The following ARSF variants were observed in gnomAD, a reference collection of about 807,000 sequenced individuals.
ARSF encodes arylsulfatase F.
ARSF carries 33 observed loss-of-function variants against 35.4 expected under a neutral mutation model. That is an observed-to-expected ratio of 0.93 (90% confidence interval 0.71 to 1.25). The LOEUF is 1.25. ARSF is among the 50% of genes most tolerant of loss of function. The pLI, the probability that ARSF is intolerant of heterozygous loss-of-function variation, is 0.00. For synonymous variants in ARSF, 222 were observed against 193.1 expected, an observed-to-expected ratio of 1.15 and a Z score of -1.24; for missense variants, 501 against 480.2, an observed-to-expected ratio of 1.04 and a Z score of -0.40.
intron 6 of ARSF, among the ~76,000 whole-genome samples, chrX:3,086,164 G>T (rs1210193652): frequency 8.9e-6 from 1 of 111,916 alleles, no homozygotes; most frequent in African/African-American, 3.2e-5. Flanking sequence ...TACAGACAGA[G>T]CATCAATATG....
intron 1 of ARSF, among the ~76,000 whole-genome samples, chrX:3,059,682 T>C (rs1005933711): frequency 2.7e-5 from 3 of 112,671 alleles, no homozygotes; most frequent in Non-Finnish European, 5.6e-5. Context: ...CCTTGCTCAC[T>C]GCTAGCACAG....
intron 5 of ARSF, among the ~76,000 whole-genome samples, chrX:3,082,672 A>ATT: frequency 9.0e-6 from 1 of 111,536 alleles, no homozygotes; most frequent in South Asian, 3.8e-4. Flanking sequence ...TCATCCACCT[A>ATT]CATATACAAA....
chrX:3,100,992 C>G, intron 7 of ARSF, 95 bp from the exon 8 acceptor site: 2 of 840,116 alleles, frequency 2.4e-6, no homozygotes, highest in South Asian at 5.6e-5. Context: ...TCACACCATC[C>G]TTGTTTTCCT....
chrX:3,083,511 T>TATCTATCTATCC (rs2090219495), intron 5 of ARSF, among the ~76,000 whole-genome samples: 1 of 67,887 alleles, frequency 1.5e-5, no homozygotes, highest in African/African-American at 6.1e-5. Flanking sequence ...TCTATCTATC[T>TATCTATCTATCC]ATCTATCTAT....
chrX:3,055,877 C>T (rs143614191), intron 1 of ARSF, among the ~76,000 whole-genome samples: 5,090 of 111,143 alleles, frequency 0.046, 121 homozygotes, highest in Admixed American at 0.076. Flanking sequence ...CCCTCAATTA[C>T]CTCCCTAATA....
At chrX:3,094,237 G>C (rs2090324110) in intron 7 of ARSF, among the ~76,000 whole-genome samples, 1 of 111,743 alleles carries the variant, frequency 8.9e-6, no homozygotes, top group African/African-American at 3.2e-5. Context: ...TGCTCCTGGA[G>C]ATAAGCCAGG....
intron 8 of ARSF, 127 bp downstream of exon 8, chrX:3,101,348 T>G: frequency 1.2e-6 from 1 of 823,411 alleles, no homozygotes; most frequent in Non-Finnish European, 1.7e-6. Flanking sequence ...ATTTGACTCT[T>G]AGTAAAATGA....
chrX:3,078,653 C>T (rs191694347), intron 4 of ARSF, among the ~76,000 whole-genome samples: 3,389 of 110,758 alleles, frequency 0.031, 57 homozygotes, highest in Middle Eastern at 0.098. Context: ...GTACCCGCCA[C>T]CATGCCCAGC....
chrX:3,044,782 T>C, intron 1 of ARSF, among the ~76,000 whole-genome samples: 1 of 109,359 alleles, frequency 9.1e-6, no homozygotes, highest in Non-Finnish European at 1.9e-5. Flanking sequence ...TTTTTCTTCC[T>C]GCCAGCTGGT....
intron 1 of ARSF, among the ~76,000 whole-genome samples, chrX:3,046,179 C>T (rs1295682820): frequency 8.9e-6 from 1 of 111,818 alleles, no homozygotes; most frequent in Non-Finnish European, 1.9e-5. Context: ...AGCCACTGCG[C>T]CTGGCCTCTG....
chrX:3,095,742 T>G (rs2090334203), intron 7 of ARSF, among the ~76,000 whole-genome samples: 1 of 110,157 alleles, frequency 9.1e-6, no homozygotes, highest in South Asian at 3.7e-4. Flanking sequence ...ATAGTTTCAA[T>G]TTTTACTTTT....
chrX:3,104,904 GAGA>G (rs2090402695), intron 9 of ARSF, among the ~76,000 whole-genome samples: 1 of 112,145 alleles, frequency 8.9e-6, no homozygotes, highest in Non-Finnish European at 1.9e-5. Flanking sequence ...CTGGAAGACT[GAGA>G]AGAAGGTAAG....
chrX:3,072,883 ACATT>A (rs1449375096), intron 3 of ARSF, among the ~76,000 whole-genome samples: 1 of 103,598 alleles, frequency 9.7e-6, no homozygotes, highest in East Asian at 2.9e-4. Context: ...ATATGAACAT[ACATT>A]CAATGTATAA....
At chrX:3,086,837 C>T (rs755801527) in intron 6 of ARSF, among the ~76,000 whole-genome samples, 5 of 111,071 alleles carry the variant, frequency 4.5e-5, no homozygotes, top group Non-Finnish European at 9.4e-5. Flanking sequence ...AAAAAATTAC[C>T]ACAAATGTAG....
intron 1 of ARSF, among the ~76,000 whole-genome samples, chrX:3,053,556 C>T (rs1278553662): frequency 3.6e-5 from 4 of 109,650 alleles, no homozygotes; most frequent in Non-Finnish European, 5.7e-5. Flanking sequence ...TACCCTGCAG[C>T]ATCCTTAGCC....
chrX:3,066,837 T>C (rs1014057958), intron 1 of ARSF: 1 of 109,912 alleles, frequency 9.1e-6, no homozygotes, highest in Admixed American at 9.7e-5. Flanking sequence ...CTGTCTGTTC[T>C]GCTCCTAGAC....
intron 10 of ARSF, 22 bp from the exon 11 acceptor site, chrX:3,112,152 G>T: frequency 8.6e-7 from 1 of 1,166,835 alleles, no homozygotes; most frequent in South Asian, 1.9e-5. Flanking sequence ...ATCATTTGAC[G>T]AGTCTCTCTT....
intron 4 of ARSF, 57 bp from the exon 5 acceptor site, chrX:3,080,834 A>G: frequency 8.4e-7 from 1 of 1,191,696 alleles, no homozygotes; most frequent in Non-Finnish European, 1.1e-6. Context: ...GTAGTGACAA[A>G]AATATTCCCT....
chrX:3,045,325 G>T (rs2089970230), intron 1 of ARSF, among the ~76,000 whole-genome samples: 1 of 111,353 alleles, frequency 9.0e-6, no homozygotes, highest in Non-Finnish European at 1.9e-5. Context: ...AAGTTTAGTA[G>T]GCAAAAGAAA....
Sources: gnomAD v4.1 joint callset for allele counts (sites outside exome capture counted in the v4.1 genomes callset) on GRCh38, gnomAD v4.1.1 for gene constraint, MANE v1.5 for transcripts, NCBI Gene and HGNC (gene_info 2026-07-23, HGNC 2026-07-21) for gene names.